RSRC1: variants seen among roughly 807,000 people sequenced by gnomAD.
RSRC1 encodes arginine and serine rich coiled-coil 1.
RSRC1 carries 39 observed loss-of-function variants against 49.1 expected under a neutral mutation model. That is an observed-to-expected ratio of 0.79 (90% CI 0.61 to 1.04). The LOEUF (loss-of-function observed/expected upper bound fraction) is 1.04. Among genes scored for constraint, RSRC1 ranks in the 50% least tolerant of loss-of-function variants. RSRC1 has a pLI of 0.00. For missense variants in RSRC1, 388 were observed against 402.4 expected (o/e 0.96, Z 0.31); for synonymous variants, 143 against 130.8 (o/e 1.09, Z -0.63).
intron 6 of RSRC1, among the ~76,000 whole-genome samples, chr3:158,380,875 A>G (rs902055649): frequency 6.6e-6 from 1 of 152,172 alleles, no homozygotes; most frequent in Non-Finnish European, 1.5e-5. Flanking sequence ...TTTGAGACTA[A>G]ATATTACTGT....
intron 7 of RSRC1, 143 bp from the exon 8 acceptor site, chr3:158,536,949 A>T: frequency 3.4e-6 from 2 of 593,678 alleles, no homozygotes. Context: ...TGTGGATCTC[A>T]GAACAAAAGA....
At chr3:158,141,073 GT>G (rs1716719575) in intron 3 of RSRC1, among the ~76,000 whole-genome samples, 1 of 152,154 alleles carries the variant, frequency 6.6e-6, no homozygotes, top group South Asian at 2.1e-4. Context: ...GAATTAATAG[GT>G]ATGGATGTTT....
intron 6 of RSRC1, among the ~76,000 whole-genome samples, chr3:158,426,527 A>C (rs749498306): frequency 6.6e-6 from 1 of 151,744 alleles, no homozygotes; most frequent in Non-Finnish European, 1.5e-5. Context: ...GCCAAAAATC[A>C]AAAAGTCCAA....
intron 3 of RSRC1, among the ~76,000 whole-genome samples, chr3:158,200,262 T>C (rs557034506): frequency 1.3e-5 from 2 of 152,100 alleles, no homozygotes; most frequent in African/African-American, 2.4e-5. Flanking sequence ...ATGGTCTCGA[T>C]CTCCTGACCT....
intron 5 of RSRC1, among the ~76,000 whole-genome samples, chr3:158,310,884 G>A (rs555027290): frequency 6.6e-6 from 1 of 151,798 alleles, no homozygotes; most frequent in African/African-American, 2.4e-5. Context: ...CACTTTTAAT[G>A]CAATGCCAAT....
chr3:158,373,569 G>A (rs1732195612), intron 6 of RSRC1, among the ~76,000 whole-genome samples: 1 of 151,774 alleles, frequency 6.6e-6, no homozygotes, highest in South Asian at 2.1e-4. Flanking sequence ...TACATTCCTG[G>A]GAGAAACATC....
intron 6 of RSRC1, among the ~76,000 whole-genome samples, chr3:158,413,019 G>A (rs778213384): frequency 6.6e-6 from 1 of 152,098 alleles, no homozygotes; most frequent in Non-Finnish European, 1.5e-5. Flanking sequence ...CCAAAAAAGA[G>A]TCTGCATTAC....
chr3:158,468,294 A>C (rs1214247784), intron 7 of RSRC1, among the ~76,000 whole-genome samples: 1 of 152,156 alleles, frequency 6.6e-6, no homozygotes. Context: ...TAAATAACTC[A>C]AGTATTAAAG....
At chr3:158,335,052 G>A (rs1456752475) in intron 5 of RSRC1, among the ~76,000 whole-genome samples, 1 of 151,944 alleles carries the variant, frequency 6.6e-6, no homozygotes, top group Non-Finnish European at 1.5e-5. Context: ...CCAAATCTAA[G>A]CCTTAACTTC....
At chr3:158,213,366 A>G (rs1721787757) in intron 4 of RSRC1, among the ~76,000 whole-genome samples, 1 of 151,920 alleles carries the variant, frequency 6.6e-6, no homozygotes, top group Non-Finnish European at 1.5e-5. Context: ...AAAGTATATA[A>G]TAAAAGAAAA....
At chr3:158,246,669 G>C (rs576180916) in intron 4 of RSRC1, among the ~76,000 whole-genome samples, 1 of 152,116 alleles carries the variant, frequency 6.6e-6, no homozygotes, top group South Asian at 2.1e-4. Flanking sequence ...TGAAATTCTG[G>C]GTTGGCAATT....
chr3:158,457,917 G>A (rs371377167), intron 6 of RSRC1, among the ~76,000 whole-genome samples: 2 of 152,186 alleles, frequency 1.3e-5, no homozygotes, highest in East Asian at 3.9e-4. Context: ...GGATTTGTGA[G>A]ACTTTAATAT....
At chr3:158,333,025 G>T (rs1201799623) in intron 5 of RSRC1, among the ~76,000 whole-genome samples, 1 of 150,046 alleles carries the variant, frequency 6.7e-6, no homozygotes, top group East Asian at 2.0e-4. Context: ...CCGGACTGCA[G>T]TGGCGCTATC....
At chr3:158,294,759 T>C (rs1050825669) in intron 4 of RSRC1, among the ~76,000 whole-genome samples, 1 of 152,144 alleles carries the variant, frequency 6.6e-6, no homozygotes, top group Non-Finnish European at 1.5e-5. Context: ...TTCATGCACA[T>C]ACAGGCACCT....
intron 1 of RSRC1, among the ~76,000 whole-genome samples, chr3:158,120,830 A>C (rs1232441574): frequency 6.6e-6 from 1 of 150,748 alleles, no homozygotes; most frequent in Non-Finnish European, 1.5e-5. Context: ...TATTTATCCT[A>C]AGTGATTACA....
intron 7 of RSRC1, among the ~76,000 whole-genome samples, chr3:158,482,638 C>T (rs1738657219): frequency 6.6e-6 from 1 of 151,958 alleles, no homozygotes; most frequent in Non-Finnish European, 1.5e-5. Flanking sequence ...ATGGAACCTC[C>T]AGTGCCATAA....
At chr3:158,110,408 G>C (rs556241968) in intron 1 of RSRC1, 185 bp downstream of exon 1, 2 of 152,680 alleles carry the variant, frequency 1.3e-5, no homozygotes, top group African/African-American at 4.8e-5. Context: ...GGGAGGCTCC[G>C]GACTCCTTGG....
chr3:158,180,450 T>TGTG (rs1559931927), intron 3 of RSRC1, among the ~76,000 whole-genome samples: 1 of 51,522 alleles, frequency 1.9e-5, no homozygotes, highest in African/African-American at 7.7e-5. Context: ...GTGTGTGTGT[T>TGTG]TATGTGTCTG....
intron 3 of RSRC1, among the ~76,000 whole-genome samples, chr3:158,125,913 T>A (rs1049489917): frequency 1.3e-5 from 2 of 152,170 alleles, no homozygotes; most frequent in African/African-American, 4.8e-5. Context: ...TATATAATTG[T>A]TATATATTCC....
Sources: gnomAD v4.1 joint callset for allele counts (sites outside exome capture counted in the v4.1 genomes callset) on GRCh38, gnomAD v4.1.1 for gene constraint, MANE v1.5 for transcripts, NCBI Gene and HGNC (gene_info 2026-07-23, HGNC 2026-07-21) for gene names.